SCRT2: variants seen among roughly 807,000 people sequenced by gnomAD.
SCRT2 encodes transcriptional repressor scratch 2.
SCRT2 carries 2 observed loss-of-function variants against 3.7 expected under a neutral mutation model. The observed-to-expected ratio is 0.54, with a 90% CI of 0.22 to 1.70. SCRT2 has a LOEUF of 1.70. SCRT2 is among the 40% of genes most tolerant of loss of function. The pLI is 0.19. For synonymous variants in SCRT2, 256 were observed against 220.6 expected (o/e 1.16, Z -1.42); for missense variants, 456 against 468.5 (o/e 0.97, Z 0.25).
Position 664,380 on chromosome 20 carries a change from G to A in SCRT2, c.215C>T (p.Ala72Val). 1.4e-6 allele frequency: 2 copies of A among 1,424,314 alleles called. No homozygotes were observed. The highest frequency in any genetic ancestry group is 1.4e-5 in the South Asian group (1 of 69,494). The allele number at this position is 1,424,314 out of a possible 1,614,324, so 88.2% of individuals were successfully genotyped here. The change falls in exon 2 of 2, where the codon GCG becomes GTG. Residue 72 changes from alanine (A) to valine (V), a missense_variant. Coordinates refer to ENST00000246104, the MANE Select transcript of SCRT2 (RefSeq NM_033129.4). The surrounding 1 kb of genome is among the most constrained non-coding windows in gnomAD (Gnocchi z 7.9). ...CTCCTCCGGCGCCGCCGGCGGGTAC[G>A]CGGGCTCGGCCGGGGCCAGCTCCAG... Reference protein sequence around the residue: ...PGLELAPAEPAYPPAAPEEYS... With the variant: ...PGLELAPAEPVYPPAAPEEYS...
intron 1 of SCRT2, among the ~76,000 whole-genome samples, chr20:673,620 C>CT (rs1984415447): frequency 6.6e-6 from 1 of 152,220 alleles, no homozygotes; most frequent in Non-Finnish European, 1.5e-5. Context: ...CAGAAACACC[C>CT]TGCTGGTGGC....
At chr20:671,309 A>G (rs1038519183) in intron 1 of SCRT2, among the ~76,000 whole-genome samples, 12 of 152,168 alleles carry the variant, frequency 7.9e-5, no homozygotes, top group African/African-American at 2.9e-4. Flanking sequence ...TGGACCTCAG[A>G]TCTGTACTTG....
chr20:664,342 C>G lies in SCRT2; in HGVS notation c.253G>C (p.Glu85Gln). The change falls in exon 2 of 2, where the codon GAA becomes CAA. Residue 85 changes from glutamate to glutamine, a missense_variant. By Grantham distance (29) the Glu-to-Gln change is conservative. This residue lies in a region of SCRT2 where 306 missense variants were observed against 305.3 expected (regional missense o/e 1.00). Coordinates refer to ENST00000246104, the MANE Select transcript of SCRT2 (RefSeq NM_033129.4). The surrounding 1 kb of genome is among the most constrained non-coding windows in gnomAD (Gnocchi z 7.9). ...GCCGACAGGCTCGACTGCGGGCTTT[C>G]GGGGTCGCTGTACTCCTCCGGCGCC... ...PAAPEEYSDP[E>Q]SPQSSLSARY... 6.7e-7 allele frequency: 1 copy of G among 1,495,474 alleles called. No homozygotes were observed. Among genetic ancestry groups the G allele is most frequent in the Non-Finnish European group, 9.0e-7 (1 of 1,113,460 alleles). The allele number at this position is 1,495,474 out of a possible 1,614,324, so 92.6% of individuals were successfully genotyped here. A position where few individuals can be genotyped will look rare whatever the true frequency, so the allele number is the denominator to read the frequency against.
chr20:670,281 G>A (rs1461494171), intron 1 of SCRT2, among the ~76,000 whole-genome samples: 1 of 152,216 alleles, frequency 6.6e-6, no homozygotes, highest in Non-Finnish European at 1.5e-5. Context: ...CGGAGACTGG[G>A]TGTGTTGTGC....
rs904210900 is a variant in SCRT2 at position 675,705 on chromosome 20, C to T, written c.-104G>A. 2 of 826,810 alleles carry T rather than the reference C, an allele frequency of 2.4e-6. No individual in the cohort carries two copies. The highest frequency in any genetic ancestry group is 3.2e-6 in the Non-Finnish European group (2 of 632,840). 51.2% of individuals were successfully genotyped at this position (826,810 alleles called of 1,614,324 possible). ...CTGGACAGCTCCCAGCGGGCTGGAG[C>T]GCGGGAGGCCGCTCGGAGCCGGCAC... On this transcript the variant is annotated 5_prime_UTR_variant, in exon 1 of 2. Coordinates refer to ENST00000246104, the MANE Select transcript of SCRT2 (RefSeq NM_033129.4). This position sits in a 1 kb window ranked among gnomAD's most constrained non-coding sequence, Gnocchi z 6.9.
At chr20:674,304 C>T (rs1469622695) in intron 1 of SCRT2, among the ~76,000 whole-genome samples, 1 of 144,378 alleles carries the variant, frequency 6.9e-6, no homozygotes, top group Non-Finnish European at 1.5e-5. Flanking sequence ...CATCTCAGTT[C>T]CCCCCTCATC....
In SCRT2 at chr20:675,542, C is replaced by G; in HGVS notation, c.60G>C (p.Val20=). The G allele has an allele frequency of 7.2e-7, 1 of 1,392,544 alleles. No individual in the cohort carries two copies. Among genetic ancestry groups the G allele is most frequent in the Non-Finnish European group, 9.3e-7 (1 of 1,069,708 alleles). 86.3% of individuals were successfully genotyped at this position (1,392,544 alleles called of 1,614,324 possible). The change falls in exon 1 of 2, where the codon GTG becomes GTC. Residue 20 remains valine, a synonymous_variant. Transcript: ENST00000246104. This position sits in a 1 kb window ranked among gnomAD's most constrained non-coding sequence, Gnocchi z 6.9. ...IKGDGFQCSG[V]PAPTYHPLET... ...CCAAGGGGTGGTAGGTGGGGGCCGG[C>G]ACCCCGCTGCACTGGAAGCCGTCCC...
At position 664,682 on chromosome 20, in the gene SCRT2, G is replaced by A. The variant is rs1292607746; in HGVS notation, c.134-221C>T. On this transcript the variant is annotated intron_variant, in intron 1 of 1. Coordinates refer to ENST00000246104, the MANE Select transcript of SCRT2 (RefSeq NM_033129.4). The surrounding 1 kb of genome is among the most constrained non-coding windows in gnomAD (Gnocchi z 7.9). ...AATAGCCGCCACCCCAACCCACGGA[G>A]CATGGGGCCAGCACGGTTGTACAGA... 6.6e-6 allele frequency among the ~76,000 whole-genome samples: 1 copy of A among 152,246 alleles called. No homozygotes were observed. The highest frequency in any genetic ancestry group is 2.4e-5 in the African/African-American group (1 of 41,466).
chr20:671,557 G>A (rs957419871), intron 1 of SCRT2, among the ~76,000 whole-genome samples: 20 of 152,240 alleles, frequency 1.3e-4, no homozygotes, highest in African/African-American at 4.8e-4. Context: ...AGCTTTCTGA[G>A]GTGTGGAATG....
intron 1 of SCRT2, among the ~76,000 whole-genome samples, chr20:669,571 C>G (rs8121743): frequency 6.6e-6 from 1 of 152,206 alleles, no homozygotes; most frequent in African/African-American, 2.4e-5. Context: ...CCAGCTTCCC[C>G]GGCGGCCCAC....
intron 1 of SCRT2, among the ~76,000 whole-genome samples, chr20:670,505 C>A (rs2091277986): frequency 1.3e-5 from 2 of 152,198 alleles, no homozygotes; most frequent in Admixed American, 6.5e-5. Flanking sequence ...GCTGTGGGGG[C>A]CCCTAAAACC....
rs532635588 is a variant in SCRT2, at chr20:674,333, CCT to C, written c.133+1134_133+1135del. ...CCTCATCCTCAGTCCTTTCTTTTCT[CCT>C]CTCTCAATCTCCCTCTTTCTCTCTC... On this transcript the variant is annotated intron_variant, in intron 1 of 1. Coordinates refer to ENST00000246104, the MANE Select transcript of SCRT2 (RefSeq NM_033129.4). Among the ~76,000 whole-genome samples the C allele has an allele frequency of 1.1e-4, 17 of 150,798 alleles. No individual in the cohort carries two copies. In the South Asian group the frequency reaches 3.4e-3, roughly 30 times the overall value.
intron 1 of SCRT2, among the ~76,000 whole-genome samples, chr20:674,407 A>T (rs879757829): frequency 0.31 from 17,278 of 55,208 alleles, 1,199 homozygotes; most frequent in Non-Finnish European, 0.44. Context: ...TCTCACACAC[A>T]CACACACACA....
In SCRT2 at chr20:662,216, C is replaced by G. The variant is rs938923417; in HGVS notation, c.*1455G>C. ...GGGAGAGAGCGCCCCTCCCGGGGAG[C>G]AGGCCAGAGGCCCCAGCGGGTCCGG... On this transcript the variant is annotated 3_prime_UTR_variant, in exon 2 of 2. Transcript: ENST00000246104. 36 of 152,834 alleles carry G rather than the reference C, an allele frequency of 2.4e-4. No individual in the cohort carries two copies. Among genetic ancestry groups the G allele is most frequent in the African/African-American group, 8.7e-4 (36 of 41,576 alleles). The allele number at this position is 152,834 out of a possible 1,614,324, so 9.5% of individuals were successfully genotyped here. A position where few individuals can be genotyped will look rare whatever the true frequency, so the allele number is the denominator to read the frequency against.
Position 667,158 on chromosome 20 carries a change from C to T in SCRT2, c.134-2697G>A, listed in dbSNP as rs1017522780. Among the ~76,000 whole-genome samples the T allele has an allele frequency of 6.6e-6, 1 of 152,176 alleles. No individual in the cohort carries two copies. Among genetic ancestry groups the T allele is most frequent in the African/African-American group, 2.4e-5 (1 of 41,440 alleles). On this transcript the variant is annotated intron_variant, in intron 1 of 1. Transcript: ENST00000246104. The surrounding 1 kb of genome is among the most constrained non-coding windows in gnomAD (Gnocchi z 4.4). ...GTATATAAACAAATGATAACCAGCA[C>T]TCTCAGAGCACTCCTGTGTCAGGCA...
At position 664,434 on chromosome 20, in the gene SCRT2, C is replaced by A; in HGVS notation, c.161G>T (p.Ser54Ile). ...NGYAPHRLPPSSYDADQKPGL... is the reference protein window; with the variant it reads ...NGYAPHRLPPISYDADQKPGL... ...CGGCTTCTGGTCCGCATCGTAGCTG[C>A]TCGGGGGCAGGCGGTGCGGGGCGTA... Residue 54 changes from serine (S) to isoleucine (I), a missense_variant, in exon 2 of 2, where the codon AGC becomes ATC. By Grantham distance (142) the Ser-to-Ile change is moderately radical. Transcript: ENST00000246104. This position sits in a 1 kb window ranked among gnomAD's most constrained non-coding sequence, Gnocchi z 7.9. 1 of 1,297,682 alleles carries A rather than the reference C, an allele frequency of 7.7e-7. No individual in the cohort carries two copies. Among genetic ancestry groups the A allele is most frequent in the South Asian group, 2.3e-5 (1 of 43,750 alleles). 80.4% of individuals were successfully genotyped at this position (1,297,682 alleles called of 1,614,324 possible).
At position 675,412 on chromosome 20, in the gene SCRT2, G is replaced by T. The variant is rs1006516005; in HGVS notation, c.133+57C>A. 2 of 1,243,176 alleles carry T rather than the reference G, an allele frequency of 1.6e-6. No individual in the cohort carries two copies. Among genetic ancestry groups the T allele is most frequent in the Non-Finnish European group, 1.0e-6 (1 of 975,928 alleles). The allele number at this position is 1,243,176 out of a possible 1,614,324, so 77.0% of individuals were successfully genotyped here. A position where few individuals can be genotyped will look rare whatever the true frequency, so the allele number is the denominator to read the frequency against. ...CTCCTCGTGGCCCAAGCTGGGGAGG[G>T]CCCCAGCTCCCCTCGCCTCTTCTCC... On this transcript the variant is annotated intron_variant, in intron 1 of 1. Transcript: ENST00000246104. The surrounding 1 kb of genome is among the most constrained non-coding windows in gnomAD (Gnocchi z 6.9).
chr20:668,972 A>G (rs1984243390), intron 1 of SCRT2, among the ~76,000 whole-genome samples: 1 of 152,190 alleles, frequency 6.6e-6, no homozygotes, highest in African/African-American at 2.4e-5. Context: ...GATTTGCCCA[A>G]GGTCACTGAG....
chr20:671,284 C>T (rs1001723711), intron 1 of SCRT2, among the ~76,000 whole-genome samples: 2 of 152,206 alleles, frequency 1.3e-5, no homozygotes, highest in African/African-American at 2.4e-5. Flanking sequence ...TGAAGTTTGA[C>T]GTAGGCATTG....
Sources: allele counts gnomAD v4.1 joint callset (sites outside exome capture counted in the v4.1 genomes callset), GRCh38; gene constraint gnomAD v4.1.1; regional missense constraint gnomAD v4.1.1; non-coding constraint Gnocchi (gnomAD v3.1); transcripts MANE v1.5; gene names NCBI Gene and HGNC (gene_info 2026-07-23, HGNC 2026-07-21).